The following SCYL2 variants were observed in gnomAD, a reference collection of about 807,000 sequenced individuals.
SCYL2 encodes SCY1-like protein 2.
SCYL2 carries 36 observed loss-of-function variants against 100.4 expected under a neutral mutation model. The ratio of observed to expected loss-of-function variants is 0.36; its 90% CI spans 0.27 to 0.47. The LOEUF is 0.47. SCYL2 is among the 20% of genes least tolerant of loss of function. SCYL2 has a pLI of 1.00. For missense variants in SCYL2, 902 were observed against 1,083.9 expected, an observed-to-expected ratio of 0.83 and a Z score of 2.36; for synonymous variants, 330 against 359.2, an observed-to-expected ratio of 0.92 and a Z score of 0.92.
Position 100,289,055 on chromosome 12 carries a change from C to T in SCYL2, c.178-2448C>T, listed in dbSNP as rs534412409. Among the ~76,000 whole-genome samples, 122 of 152,126 alleles carry T rather than the reference C, an allele frequency of 8.0e-4. 1 individual carries two copies. The South Asian group carries it at 0.025, about 31-fold the overall frequency. On this transcript the variant is annotated intron_variant, in intron 2 of 17. Coordinates refer to ENST00000360820, the MANE Select transcript of SCYL2 (RefSeq NM_017988.6). ...TTATAAAATGTGTTATAGCAGAAGA[C>T]TTACTAAAATAAGATTGTGCACATG... is the stretch of plus-strand genomic sequence containing the variant.
Position 100,339,149 on chromosome 12 carries a change from G to A in SCYL2, c.2767G>A (p.Asp923Asn), listed in dbSNP as rs148310587. 20 of 1,612,490 alleles carry A rather than the reference G, an allele frequency of 1.2e-5. No individual in the cohort carries two copies. Among genetic ancestry groups the A allele is most frequent in the Admixed American group, 3.3e-5 (2 of 59,816 alleles). Reference sequence around the variant, plus strand: ...GACCAATAGCAGTTCAGCTAGCAATGATTTAAAAGATCTTTTTGGGTGAGG... The same window carrying A: ...GACCAATAGCAGTTCAGCTAGCAATAATTTAAAAGATCTTTTTGGGTGAGG... ...TMTNSSSASN[D>N]LKDLFG Residue 923 changes from aspartate (D) to asparagine (N), a missense_variant, in exon 18 of 18, where the codon GAT (aspartate) becomes AAT (asparagine). By Grantham distance (23) the Asp-to-Asn change is conservative. Transcript: ENST00000360820.
intron 13 of SCYL2, among the ~76,000 whole-genome samples, chr12:100,332,261 T>C (rs1952219573): frequency 6.6e-6 from 1 of 152,172 alleles, no homozygotes; most frequent in South Asian, 2.1e-4. Flanking sequence ...ACCCTCTGCC[T>C]GGCATGTACT....
Position 100,338,424 on chromosome 12 carries a change from GC to G in SCYL2, c.2146-103del, listed in dbSNP as rs1952307957. On this transcript the variant is annotated intron_variant, in intron 17 of 17. Transcript: ENST00000360820. The stretch of plus-strand genomic sequence containing the variant: ...TTGCTAATTTGGTGTAGACCATTGA[GC>G]TTAATTCTAACTTGTCCTTTATAAT... 12 of 1,035,264 alleles carry G rather than the reference GC, an allele frequency of 1.2e-5. No individual in the cohort carries two copies. The South Asian group carries it at 2.1e-4, about 18-fold the overall frequency. The allele number at this position is 1,035,264 out of a possible 1,614,324, so 64.1% of individuals were successfully genotyped here. A position where few individuals can be genotyped will look rare whatever the true frequency, so the allele number is the denominator to read the frequency against.
In SCYL2 at chr12:100,317,853, T is replaced by G; in HGVS notation, c.1323T>G (p.Pro441=). Residue 441 remains proline (P), a synonymous_variant, in exon 10 of 18, where the codon CCT becomes CCG. Coordinates refer to ENST00000360820, the MANE Select transcript of SCYL2 (RefSeq NM_017988.6). The part of the protein sequence containing the change: ...QKMDLLLTKT[P]PDEIKNSVLP... ...TGGATTTGCTACTAACCAAAACCCC[T>G]CCTGATGAGATAAAGAACAGTGTTC... 6.2e-7 allele frequency: 1 copy of G among 1,608,888 alleles called. No individual in the cohort carries two copies. Among genetic ancestry groups the G allele is most frequent in the Non-Finnish European group, 8.5e-7 (1 of 1,179,008 alleles).
At chr12:100,330,750 A>G (rs954714843) in intron 13 of SCYL2, among the ~76,000 whole-genome samples, 2 of 152,108 alleles carry the variant, frequency 1.3e-5, no homozygotes, top group Non-Finnish European at 2.9e-5. Context: ...AGAAATTTAT[A>G]AAACTAATCA....
At chr12:100,281,252 C>T (rs538868844) in intron 1 of SCYL2, among the ~76,000 whole-genome samples, 8 of 152,084 alleles carry the variant, frequency 5.3e-5, no homozygotes, top group Middle Eastern at 3.4e-3. Context: ...TGGTCTTGAA[C>T]TCGTGAGCTC....
chr12:100,274,360 TGTC>T (rs1337271600), intron 1 of SCYL2, among the ~76,000 whole-genome samples: 2 of 152,194 alleles, frequency 1.3e-5, no homozygotes, highest in Non-Finnish European at 2.9e-5. Context: ...ATTTCTAAAT[TGTC>T]GTATATTGTG....
At chr12:100,292,503 T>A (rs1428465482) in intron 3 of SCYL2, among the ~76,000 whole-genome samples, 1 of 152,216 alleles carries the variant, frequency 6.6e-6, no homozygotes, top group Non-Finnish European at 1.5e-5. Context: ...TTTTATCTTT[T>A]ATTATATATT....
intron 1 of SCYL2, among the ~76,000 whole-genome samples, chr12:100,272,750 T>G (rs1389932564): frequency 1.3e-5 from 2 of 152,296 alleles, no homozygotes; most frequent in East Asian, 3.9e-4. Flanking sequence ...TTCTCTTGGT[T>G]TTAACTTGTT....
Position 100,267,289 on chromosome 12 carries a change from CAG to C in SCYL2, c.-529_-528del. On this transcript the variant is annotated 5_prime_UTR_variant, in exon 1 of 18. Coordinates refer to ENST00000360820, the MANE Select transcript of SCYL2 (RefSeq NM_017988.6). ...GGCGGCGGAGGATATGGAGTAAAGC[CAG>C]AGTCAGTGGCCAGGCACGAAGGCAG... 1.8e-6 allele frequency: 1 copy of C among 546,836 alleles called. No homozygotes were observed. Among genetic ancestry groups the C allele is most frequent in the South Asian group, 2.5e-5 (1 of 40,638 alleles). The allele number at this position is 546,836 out of a possible 1,614,324, so 33.9% of individuals were successfully genotyped here. A position where few individuals can be genotyped will look rare whatever the true frequency, so the allele number is the denominator to read the frequency against.
rs1350102795 is a variant in SCYL2 at position 100,283,123 on chromosome 12, T to C, written c.153T>C (p.Asn51=). Residue 51 remains asparagine, a synonymous_variant, in exon 2 of 18, where the codon AAT becomes AAC. Transcript: ENST00000360820. ...GGNGLAWKIF[N]GTKKSTKQEV... ...ATGGGCTAGCTTGGAAGATTTTTAA[T>C]GGCACAAAAAAGTCAACAAAGCAGG... 1.4e-5 allele frequency: 23 copies of C among 1,606,850 alleles called. No individual in the cohort carries two copies. The highest frequency in any genetic ancestry group is 1.9e-5 in the Non-Finnish European group (22 of 1,177,800).
intron 14 of SCYL2, among the ~76,000 whole-genome samples, chr12:100,334,507 T>C (rs1952251086): frequency 6.6e-6 from 1 of 152,116 alleles, no homozygotes; most frequent in African/African-American, 2.4e-5. Flanking sequence ...GCATTTTATC[T>C]ACATAAAGAA....
chr12:100,318,093 C>T (rs1014956909), intron 10 of SCYL2, among the ~76,000 whole-genome samples, 168 bp downstream of exon 10: 4 of 152,046 alleles, frequency 2.6e-5, no homozygotes, highest in Non-Finnish European at 5.9e-5. Flanking sequence ...TATATTCACT[C>T]CTAACTAATT....
intron 13 of SCYL2, among the ~76,000 whole-genome samples, chr12:100,330,207 G>A (rs1400730798): frequency 6.6e-6 from 1 of 152,192 alleles, no homozygotes; most frequent in Non-Finnish European, 1.5e-5. Context: ...TACAGTAGGA[G>A]AATAATGGGA....
rs2054586437 is a variant in SCYL2, at chr12:100,340,261, A to C, written c.*1089A>C. 6.6e-6 allele frequency: 1 copy of C among 152,530 alleles called. No individual in the cohort carries two copies. The highest frequency in any genetic ancestry group is 1.5e-5 in the Non-Finnish European group (1 of 67,966). 9.4% of individuals were successfully genotyped at this position (152,530 alleles called of 1,614,324 possible). On this transcript the variant is annotated 3_prime_UTR_variant, in exon 18 of 18. Coordinates refer to ENST00000360820, the MANE Select transcript of SCYL2 (RefSeq NM_017988.6). Reference sequence around the variant, plus strand: ...GGAATTTTAGGAACCTTTTGTTTAAATATTTTAATTTCTATTAGCCATTTT... The same window carrying C: ...GGAATTTTAGGAACCTTTTGTTTAACTATTTTAATTTCTATTAGCCATTTT...
chr12:100,341,202 C>G lies in SCYL2; in HGVS notation c.*2030C>G, dbSNP rs1286587682. ...TCTACTTCAGGTATTTTATTTCAAC[C>G]ATTTCCATCAATTGAACTGTTACCA... On this transcript the variant is annotated 3_prime_UTR_variant, in exon 18 of 18. Transcript: ENST00000360820. 1.3e-5 allele frequency: 2 copies of G among 151,968 alleles called. No homozygotes were observed. Among genetic ancestry groups the G allele is most frequent in the Non-Finnish European group, 2.9e-5 (2 of 67,944 alleles). The allele number at this position is 151,968 out of a possible 1,614,324, so 9.4% of individuals were successfully genotyped here. A position where few individuals can be genotyped will look rare whatever the true frequency, so the allele number is the denominator to read the frequency against.
In SCYL2 at chr12:100,339,227, ATT is replaced by A. The variant is rs1566376051; in HGVS notation, c.*57_*58del. 6 of 1,527,540 alleles carry A rather than the reference ATT, an allele frequency of 3.9e-6. No individual in the cohort carries two copies. The highest frequency in any genetic ancestry group is 5.3e-6 in the Non-Finnish European group (6 of 1,128,938). The allele number at this position is 1,527,540 out of a possible 1,614,324, so 94.6% of individuals were successfully genotyped here. A position where few individuals can be genotyped will look rare whatever the true frequency, so the allele number is the denominator to read the frequency against. On this transcript the variant is annotated 3_prime_UTR_variant, in exon 18 of 18. Coordinates refer to ENST00000360820, the MANE Select transcript of SCYL2 (RefSeq NM_017988.6). Reference sequence around the variant, plus strand: ...TTCAGTTTCAATCATGGGTGAGCTGATTTACATCTTTATATAGTTGGCTTGGA... The same window carrying A: ...TTCAGTTTCAATCATGGGTGAGCTGATACATCTTTATATAGTTGGCTTGGA...
chr12:100,310,076 A>T (rs1652833689), intron 4 of SCYL2, among the ~76,000 whole-genome samples: 1 of 151,584 alleles, frequency 6.6e-6, no homozygotes, highest in Admixed American at 6.6e-5. Flanking sequence ...TCAGCTCACT[A>T]CAACCACCAC....
intron 12 of SCYL2, among the ~76,000 whole-genome samples, chr12:100,328,875 A>G (rs1303829513): frequency 1.3e-5 from 2 of 152,208 alleles, no homozygotes; most frequent in African/African-American, 2.4e-5. Flanking sequence ...TAGATGTTTC[A>G]GAATAGAAGG....
Sources: gnomAD v4.1 joint callset for allele counts (sites outside exome capture counted in the v4.1 genomes callset) on GRCh38, gnomAD v4.1.1 for gene constraint, MANE v1.5 for transcripts, NCBI Gene and HGNC (gene_info 2026-07-23, HGNC 2026-07-21) for gene names.